Variants in SCD5 observed in about 807,000 individuals in gnomAD.
SCD5 encodes the protein stearoyl-CoA desaturase 5.
In SCD5, 20 loss-of-function variants were observed where a neutral mutation model predicts 30.4. That is an observed-to-expected ratio of 0.66 (90% CI 0.46 to 0.96). The LOEUF is 0.96. SCD5 is among the 40% of genes least tolerant of loss of function. SCD5 has a pLI of 0.00. For synonymous variants in SCD5, 173 were observed against 176.4 expected, an observed-to-expected ratio of 0.98 and a Z score of 0.16; for missense variants, 381 against 443.3, an observed-to-expected ratio of 0.86 and a Z score of 1.26.
intron 3 of SCD5, among the ~76,000 whole-genome samples, chr4:82,642,475 C>T: frequency 6.6e-6 from 1 of 152,296 alleles, no homozygotes; most frequent in Admixed American, 6.5e-5. Context: ...GAGCTTCTTC[C>T]TCTTCTTAAA....
At chr4:82,698,048 C>A (rs1453493105) in intron 2 of SCD5, 1 of 456,668 alleles carries the variant, frequency 2.2e-6, no homozygotes, top group Non-Finnish European at 4.4e-6. Context: ...GAAAAGCTGT[C>A]AGGGCATCTG....
intron 1 of SCD5, among the ~76,000 whole-genome samples, chr4:82,741,596 C>G (rs913102913): frequency 2.0e-5 from 3 of 152,192 alleles, no homozygotes; most frequent in Non-Finnish European, 4.4e-5. Flanking sequence ...CACTCCATTT[C>G]TGGCTGGTAG....
Position 82,742,094 on chromosome 4 carries a change from A to G in SCD5, c.233-36681T>C, listed in dbSNP as rs1255135192. Among the ~76,000 whole-genome samples the G allele has an allele frequency of 4.7e-5, 7 of 150,080 alleles. No homozygotes were observed. In the East Asian group the frequency reaches 1.4e-3, roughly 29 times the overall value. ...AGTCCGTCTCAAAAAAAAAAAAAAA[A>G]GAAAGATGGGCAAGAGTTGTATCTT... On this transcript the variant is annotated intron_variant, in intron 1 of 4. Coordinates refer to ENST00000319540, the MANE Select transcript of SCD5 (RefSeq NM_001037582.3).
In SCD5 at chr4:82,795,987, C is replaced by T. The variant is rs374008819; in HGVS notation, c.232+2319G>A. Among the ~76,000 whole-genome samples the T allele has an allele frequency of 6.1e-4, 92 of 149,872 alleles. 1 individual carries two copies. In the South Asian group the frequency reaches 8.0e-3, roughly 13 times the overall value. ...AAGGTGGGGAGAGAATTAAGACTTA[C>T]GGGCCGGGCGCAGTGGCTCACGCCT... On this transcript the variant is annotated intron_variant, in intron 1 of 4. Coordinates refer to ENST00000319540, the MANE Select transcript of SCD5 (RefSeq NM_001037582.3).
intron 1 of SCD5, among the ~76,000 whole-genome samples, chr4:82,765,061 T>G (rs1721459068): frequency 2.0e-5 from 3 of 152,208 alleles, no homozygotes; most frequent in Admixed American, 1.3e-4. Context: ...TTATTTTATA[T>G]TTATCTACTA....
intron 3 of SCD5, among the ~76,000 whole-genome samples, chr4:82,674,852 T>G (rs903270383): frequency 1.3e-5 from 2 of 152,136 alleles, no homozygotes; most frequent in African/African-American, 4.8e-5. Flanking sequence ...TAGATATTGC[T>G]AAGTGAAAGA....
intron 3 of SCD5, among the ~76,000 whole-genome samples, chr4:82,646,029 G>T (rs570006443): frequency 6.6e-6 from 1 of 152,116 alleles, no homozygotes. Flanking sequence ...AGAGCATGAA[G>T]GGGGGGAAAT....
intron 3 of SCD5, among the ~76,000 whole-genome samples, chr4:82,670,241 C>A (rs138896081): frequency 6.6e-6 from 1 of 152,042 alleles, no homozygotes; most frequent in Non-Finnish European, 1.5e-5. Flanking sequence ...CTATGATTAA[C>A]GGGCTAAGGG....
At chr4:82,731,104 G>A (rs2148835618) in intron 1 of SCD5, among the ~76,000 whole-genome samples, 1 of 152,178 alleles carries the variant, frequency 6.6e-6, no homozygotes, top group Middle Eastern at 3.4e-3. Flanking sequence ...TCCAATCTGG[G>A]ACTGACATAC....
intron 1 of SCD5, among the ~76,000 whole-genome samples, chr4:82,771,868 A>T (rs529267148): frequency 9.8e-5 from 15 of 152,320 alleles, no homozygotes; most frequent in African/African-American, 3.6e-4. Flanking sequence ...TCCCAACCAC[A>T]TCTTGTGAAC....
At chr4:82,733,539 G>T (rs746131811) in intron 1 of SCD5, among the ~76,000 whole-genome samples, 3 of 152,134 alleles carry the variant, frequency 2.0e-5, no homozygotes, top group Non-Finnish European at 4.4e-5. Context: ...TACACATCAT[G>T]TCCCCAATAA....
At chr4:82,646,137 T>G (rs534436544) in intron 3 of SCD5, among the ~76,000 whole-genome samples, 4 of 152,228 alleles carry the variant, frequency 2.6e-5, no homozygotes, top group Admixed American at 2.0e-4. Flanking sequence ...AAATGCACTG[T>G]AATGATGAGT....
chr4:82,646,453 C>T (rs141297458), intron 3 of SCD5, among the ~76,000 whole-genome samples: 27 of 152,202 alleles, frequency 1.8e-4, no homozygotes, highest in African/African-American at 6.5e-4. Flanking sequence ...TGTGGAGTGT[C>T]GCCGAAAATC....
At chr4:82,640,910 C>T (rs1373222769) in intron 3 of SCD5, among the ~76,000 whole-genome samples, 2 of 152,106 alleles carry the variant, frequency 1.3e-5, no homozygotes, top group Admixed American at 1.3e-4. Flanking sequence ...TGATGCTGCC[C>T]TGTCTTTTTG....
intron 1 of SCD5, among the ~76,000 whole-genome samples, chr4:82,758,058 A>C (rs1721269134): frequency 1.3e-5 from 2 of 152,224 alleles, no homozygotes; most frequent in South Asian, 2.1e-4. Flanking sequence ...TAGTGAGTGC[A>C]TCTCTGTGAG....
chr4:82,662,587 T>G (rs1008928489), intron 3 of SCD5, among the ~76,000 whole-genome samples: 1 of 151,090 alleles, frequency 6.6e-6, no homozygotes, highest in Non-Finnish European at 1.5e-5. Flanking sequence ...GGGCCGGGTA[T>G]GGTGGCTCAT....
In SCD5 at chr4:82,720,062, T is replaced by TA. The variant is rs902274600; in HGVS notation, c.233-14650dup. ...AATATATTTTTATGGAGAAGGGGCC[T>TA]ACAAAGGCAAAAGTCATAATGCAAC... On this transcript the variant is annotated intron_variant, in intron 1 of 4. Transcript: ENST00000319540. 2.0e-5 allele frequency among the ~76,000 whole-genome samples: 3 copies of TA among 149,226 alleles called. 1 individual carries two copies. The highest frequency in any genetic ancestry group is 7.7e-5 in the African/African-American group (3 of 38,810).
intron 3 of SCD5, among the ~76,000 whole-genome samples, chr4:82,658,569 T>C (rs886271720): frequency 6.8e-6 from 1 of 146,586 alleles, no homozygotes; most frequent in African/African-American, 2.5e-5. Flanking sequence ...CAGGTTCAAG[T>C]GATTCCCCTG....
intron 3 of SCD5, among the ~76,000 whole-genome samples, chr4:82,664,999 C>CTCTCTCTCTATA (rs1219554314): frequency 1.3e-3 from 93 of 70,482 alleles, no homozygotes; most frequent in African/African-American, 4.2e-3. Flanking sequence ...CTCTCTCTCT[C>CTCTCTCTCTATA]TATATATATA....
Sources: gnomAD v4.1 joint callset for allele counts (sites outside exome capture counted in the v4.1 genomes callset) on GRCh38, gnomAD v4.1.1 for gene constraint, MANE v1.5 for transcripts, NCBI Gene and HGNC (gene_info 2026-07-23, HGNC 2026-07-21) for gene names.